UTY: variants seen among roughly 807,000 people sequenced by gnomAD.
The protein encoded by UTY is histone demethylase UTY.
Under a neutral mutation model 32.5 loss-of-function variants are expected in UTY, and 12 were observed. The observed-to-expected ratio is 0.37, with a 90% CI of 0.24 to 0.60. The LOEUF is 0.60. Among genes scored for constraint, UTY ranks in the 20% least tolerant of loss-of-function variants. The pLI, the probability that UTY is intolerant of heterozygous loss-of-function variation, is 0.69. For missense variants in UTY, 303 were observed against 299.2 expected, an observed-to-expected ratio of 1.01 and a Z score of -0.09; for synonymous variants, 131 against 103.4, an observed-to-expected ratio of 1.27 and a Z score of -1.62.
chrY:13,376,331 CA>C (rs2065388115), intron 8 of UTY, among the ~76,000 whole-genome samples: 1 of 33,179 alleles, frequency 3.0e-5, no homozygotes, highest in Non-Finnish European at 7.4e-5. Flanking sequence ...AAGGATGGTA[CA>C]AAGTGTTATA....
chrY:13,295,076 A>G, intron 27 of UTY, among the ~76,000 whole-genome samples: 1 of 31,464 alleles, frequency 3.2e-5, no homozygotes, highest in South Asian at 7.2e-4. Flanking sequence ...AAAAAAAAAA[A>G]AAAGAAATAC....
chrY:13,256,600 A>G (rs985967573), intron 28 of UTY, among the ~76,000 whole-genome samples: 3 of 33,779 alleles, frequency 8.9e-5, no homozygotes, highest in Non-Finnish European at 2.2e-4. Flanking sequence ...AAAGCTTCTT[A>G]TTTTGGATTA....
At chrY:13,465,091 A>G (rs2077788059) in intron 3 of UTY, among the ~76,000 whole-genome samples, 1 of 33,205 alleles carries the variant, frequency 3.0e-5, no homozygotes. Context: ...GTCTCAAAAA[A>G]GTAAATAAAT....
At chrY:13,292,475 C>G (rs2057820597) in intron 27 of UTY, among the ~76,000 whole-genome samples, 1 of 25,310 alleles carries the variant, frequency 4.0e-5, no homozygotes, top group African/African-American at 1.6e-4. Context: ...AAAACAAAAA[C>G]AAGAAAAGAA....
intron 3 of UTY, among the ~76,000 whole-genome samples, chrY:13,449,422 C>A (rs2150069832): frequency 3.0e-5 from 1 of 32,930 alleles, no homozygotes; most frequent in Admixed American, 2.8e-4. Context: ...AATTCAGTCA[C>A]CTAAGGCACA....
At chrY:13,340,962 A>G (rs2061446580) in intron 17 of UTY, among the ~76,000 whole-genome samples, 1 of 33,351 alleles carries the variant, frequency 3.0e-5, no homozygotes, top group Non-Finnish European at 7.4e-5. Flanking sequence ...CTCAAGGGCT[A>G]CAAAGTTTGC....
intron 4 of UTY, among the ~76,000 whole-genome samples, chrY:13,445,465 A>G (rs2075652419): frequency 3.4e-5 from 1 of 28,993 alleles, no homozygotes; most frequent in Non-Finnish European, 8.1e-5. Context: ...CAAAACTCAT[A>G]GAAAGCAGCT....
chrY:13,389,641 G>T (rs2067301640), intron 8 of UTY, among the ~76,000 whole-genome samples: 5 of 33,092 alleles, frequency 1.5e-4, no homozygotes, highest in Admixed American at 1.4e-3. Flanking sequence ...TCTATGTGGG[G>T]TTTTCTTCCA....
intron 6 of UTY, among the ~76,000 whole-genome samples, chrY:13,405,734 T>G: frequency 3.1e-5 from 1 of 32,645 alleles, no homozygotes; most frequent in African/African-American, 1.2e-4. Flanking sequence ...ATTTAAAAAA[T>G]AATTTTAATA....
chrY:13,283,955 G>C lies in UTY; in HGVS notation c.4010+13752C>G, dbSNP rs758716418. Among the ~76,000 whole-genome samples the C allele has an allele frequency of 2.1e-4, 7 of 32,815 alleles. No individual in the cohort carries two copies. The East Asian group carries it at 3.2e-3, about 15-fold the overall frequency. 88.0% of individuals were successfully genotyped at this position (32,815 alleles called of 37,273 possible). A position where few individuals can be genotyped will look rare whatever the true frequency, so the allele number is the denominator to read the frequency against. On this transcript the variant is annotated intron_variant, in intron 27 of 29. Coordinates refer to ENST00000545955, the MANE Select transcript of UTY (RefSeq NM_001258249.2). ...GTGGCCTTAGACAGTCTAGTCCAAA[G>C]ACATAAAGAAAGTTTGCTTTGAAAA... is the stretch of plus-strand genomic sequence containing the variant.
intron 2 of UTY, among the ~76,000 whole-genome samples, chrY:13,475,163 G>A (rs1313803401): frequency 3.0e-5 from 1 of 33,467 alleles, no homozygotes. Context: ...CTCATGTTCC[G>A]GTGTTAGTCA....
intron 27 of UTY, among the ~76,000 whole-genome samples, chrY:13,285,283 C>A (rs772792421): frequency 6.0e-5 from 2 of 33,088 alleles, no homozygotes; most frequent in South Asian, 1.4e-3. Context: ...TTAGCTATCC[C>A]TTTTACCCTG....
Position 13,335,800 on chromosome Y carries a change from G to A in UTY, c.2597C>T (p.Ala866Val). 2.5e-6 allele frequency: 1 copy of A among 399,172 alleles called. No individual in the cohort carries two copies. Among genetic ancestry groups the A allele is most frequent in the South Asian group, 3.0e-5 (1 of 33,794 alleles). ...DHSVASSPSS[A>V]ISTATPSPKS... ...AGGAGAAGGTGTTGCTGTGGAAATGGCTGAAGAGGGTGAAGAGGCAACAGA... is the reference window on the plus strand; with the variant it reads ...AGGAGAAGGTGTTGCTGTGGAAATGACTGAAGAGGGTGAAGAGGCAACAGA... The change falls in exon 18 of 30, where the codon GCC (alanine) becomes GTC (valine). Residue 866 changes from alanine (A) to valine (V), a missense_variant. By Grantham distance (64) the Ala-to-Val change is moderately conservative. Coordinates refer to ENST00000545955, the MANE Select transcript of UTY (RefSeq NM_001258249.2).
chrY:13,254,211 G>A (rs2054479671), intron 28 of UTY, among the ~76,000 whole-genome samples: 33 of 32,844 alleles, frequency 1.0e-3, no homozygotes, highest in Admixed American at 9.2e-3. Flanking sequence ...CAGTATCAGA[G>A]GTAATCTGCA....
intron 3 of UTY, among the ~76,000 whole-genome samples, chrY:13,461,497 T>C: frequency 3.0e-5 from 1 of 33,457 alleles, no homozygotes; most frequent in Admixed American, 2.7e-4. Flanking sequence ...CTCGCTTCCA[T>C]GATGCCGGTA....
chrY:13,318,781 C>T (rs2059663228), intron 21 of UTY, among the ~76,000 whole-genome samples: 1 of 32,484 alleles, frequency 3.1e-5, no homozygotes, highest in African/African-American at 1.2e-4. Context: ...GAGGCTGAGG[C>T]GGGCGGATCA....
Position 13,260,352 on chromosome Y carries a change from C to T in UTY, c.4063G>A (p.Val1355Ile). The change falls in exon 28 of 30, where the codon GTT (valine) becomes ATT (isoleucine). Residue 1355 changes from valine to isoleucine, a missense_variant. Val to Ile is a conservative substitution (Grantham distance 29). Transcript: ENST00000545955. ...KQYQTLREALVAAGKEVIWHG... is the reference protein window; with the variant it reads ...KQYQTLREALIAAGKEVIWHG... Reference sequence around the variant, plus strand: ...CATATAACCTCTTTTCCTGCTGCAACAAGAGCTTCTCTCAATGTCTGATAT... The same window carrying T: ...CATATAACCTCTTTTCCTGCTGCAATAAGAGCTTCTCTCAATGTCTGATAT... The T allele has an allele frequency of 7.6e-6, 3 of 396,865 alleles. No homozygotes were observed. Among genetic ancestry groups the T allele is most frequent in the Non-Finnish European group, 1.1e-5 (3 of 282,117 alleles).
At chrY:13,353,341 A>G (rs2062577608) in intron 17 of UTY, among the ~76,000 whole-genome samples, 1 of 33,979 alleles carries the variant, frequency 2.9e-5, no homozygotes, top group Non-Finnish European at 7.3e-5. Flanking sequence ...AACTGTTGAC[A>G]TCATGGTTTA....
chrY:13,237,005 A>G, intron 28 of UTY, among the ~76,000 whole-genome samples: 1 of 34,046 alleles, frequency 2.9e-5, no homozygotes, highest in African/African-American at 1.1e-4. Flanking sequence ...CTTATTTAAC[A>G]CAATACTGGA....
Sources: gnomAD v4.1 joint callset for allele counts (sites outside exome capture counted in the v4.1 genomes callset) on GRCh38, gnomAD v4.1.1 for gene constraint, MANE v1.5 for transcripts, NCBI Gene and HGNC (gene_info 2026-07-23, HGNC 2026-07-21) for gene names.